RAI14: variants seen among roughly 807,000 people sequenced by gnomAD.
RAI14 encodes retinoic acid induced 14.
RAI14 carries 45 observed loss-of-function variants against 115.4 expected under a neutral mutation model. The observed-to-expected ratio is 0.39, with a 90% confidence interval of 0.31 to 0.50. The LOEUF (loss-of-function observed/expected upper bound fraction) is 0.50, where lower values mean the gene tolerates loss of function less well. Ranked by LOEUF, RAI14 falls within the 20% of genes least tolerant of loss-of-function variation. RAI14 has a pLI of 0.85. For missense variants in RAI14, 939 were observed against 1,131.2 expected, an observed-to-expected ratio of 0.83 and a Z score of 2.44; for synonymous variants, 371 against 415.4, an observed-to-expected ratio of 0.89 and a Z score of 1.30.
intron 1 of RAI14, among the ~76,000 whole-genome samples, chr5:34,671,630 C>A (rs1743627728): frequency 6.6e-6 from 1 of 151,370 alleles, no homozygotes; most frequent in African/African-American, 2.4e-5. Flanking sequence ...ATCTAGTGGC[C>A]ACAATAAAAA....
chr5:34,820,917 C>T (rs1756757259), intron 13 of RAI14, among the ~76,000 whole-genome samples: 1 of 152,128 alleles, frequency 6.6e-6, no homozygotes, highest in Non-Finnish European at 1.5e-5. Context: ...GCTTTAAGGA[C>T]TGGGCAAAGT....
At chr5:34,700,104 G>C (rs1348296024) in intron 2 of RAI14, among the ~76,000 whole-genome samples, 1 of 152,164 alleles carries the variant, frequency 6.6e-6, no homozygotes, top group Non-Finnish European at 1.5e-5. Context: ...GAGACTTCAG[G>C]TAGGTATGTT....
chr5:34,814,512 C>A (rs1755955648), intron 11 of RAI14, 71 bp from the exon 12 acceptor site: 1 of 1,162,238 alleles, frequency 8.6e-7, no homozygotes, highest in African/African-American at 1.5e-5. Flanking sequence ...CAGGTTGATT[C>A]TTCGGCACTG....
At chr5:34,668,310 CTTGAACTCGGGAAGCGGAGG>C (rs1295291049) in intron 1 of RAI14, among the ~76,000 whole-genome samples, 2 of 151,638 alleles carry the variant, frequency 1.3e-5, no homozygotes, top group African/African-American at 4.8e-5. Context: ...ATGAGAATTG[CTTGAACTCGGGAAGCGGAGG>C]TTGCACTGAG....
intron 4 of RAI14, among the ~76,000 whole-genome samples, chr5:34,799,493 GACACAC>G (rs780186006): frequency 0.021 from 2,611 of 124,064 alleles, 72 homozygotes; most frequent in African/African-American, 0.069. Context: ...CACACACACA[GACACAC>G]ACACACACAC....
At chr5:34,732,122 C>T (rs1369423590) in intron 2 of RAI14, among the ~76,000 whole-genome samples, 2 of 152,174 alleles carry the variant, frequency 1.3e-5, no homozygotes. Context: ...TGGGATCAGC[C>T]AGCATTGGGC....
At chr5:34,659,024 C>T (rs1742495111) in intron 1 of RAI14, 1 of 152,092 alleles carries the variant, frequency 6.6e-6, no homozygotes, top group South Asian at 2.1e-4. Context: ...TTAGCGCACA[C>T]AGTTCTCAAG....
intron 2 of RAI14, among the ~76,000 whole-genome samples, chr5:34,726,736 G>A (rs1391331425): frequency 7.8e-6 from 1 of 127,776 alleles, no homozygotes; most frequent in Non-Finnish European, 1.7e-5. Context: ...TTTATAAAGG[G>A]GAGTTCTTCT....
intron 3 of RAI14, among the ~76,000 whole-genome samples, chr5:34,759,661 C>T (rs164318): frequency 0.51 from 76,919 of 151,910 alleles, 20,398 homozygotes; most frequent in African/African-American, 0.67. Flanking sequence ...TTCTACACTA[C>T]AGTGAGTTGT....
At chr5:34,680,119 G>A (rs1384716855) in intron 1 of RAI14, among the ~76,000 whole-genome samples, 13 of 152,248 alleles carry the variant, frequency 8.5e-5, no homozygotes, top group Admixed American at 7.2e-4. Context: ...CTGATAACAC[G>A]GTTCTTGAAT....
chr5:34,791,560 A>G lies in RAI14; in HGVS notation c.168-4379A>G, dbSNP rs926595693. On this transcript the variant is annotated intron_variant, in intron 3 of 17. Transcript: ENST00000265109. This position sits in a 1 kb window ranked among gnomAD's most constrained non-coding sequence, Gnocchi z 5.4. The stretch of plus-strand genomic sequence containing the variant: ...ATTTAATCAAGTAGTATCCACTAGA[A>G]CTTAACATTTCATCCTGTGGATCAT... Among the ~76,000 whole-genome samples, 3 of 152,224 alleles carry G rather than the reference A, an allele frequency of 2.0e-5. No homozygotes were observed. The highest frequency in any genetic ancestry group is 7.2e-5 in the African/African-American group (3 of 41,458).
In RAI14 at chr5:34,817,234, G is replaced by A. The variant is rs1231843684; in HGVS notation, c.940-1563G>A. Among the ~76,000 whole-genome samples, 3 of 133,710 alleles carry A rather than the reference G, an allele frequency of 2.2e-5. No individual in the cohort carries two copies. In the East Asian group the frequency reaches 6.6e-4, roughly 30 times the overall value. The allele number at this position is 133,710 out of a possible 152,430, so 87.7% of individuals were successfully genotyped here. On this transcript the variant is annotated intron_variant, in intron 12 of 17. Coordinates refer to ENST00000265109, the MANE Select transcript of RAI14 (RefSeq NM_015577.3). The stretch of plus-strand genomic sequence containing the variant: ...AGAGGTTGCAGTGAACCAACATTGT[G>A]CCACTGCACTCCAGTCTGGGCGACA...
rs116421260 is a variant in RAI14 at position 34,778,778 on chromosome 5, C to T, written c.168-17161C>T. ...TAAAGAAAGGAAAAAAAAAAACTAT[C>T]TTAATGGTATAAATATATTGGCATA... On this transcript the variant is annotated intron_variant, in intron 3 of 17. Transcript: ENST00000265109. Among the ~76,000 whole-genome samples the T allele has an allele frequency of 7.7e-3, 1,151 of 150,058 alleles. 15 individuals carry two copies. Among genetic ancestry groups the T allele is most frequent in the African/African-American group, 0.027 (1,105 of 40,812 alleles).
At chr5:34,782,585 C>T (rs867969859) in intron 3 of RAI14, among the ~76,000 whole-genome samples, 1 of 151,754 alleles carries the variant, frequency 6.6e-6, no homozygotes. Context: ...GAGTGTCCTT[C>T]TAGATGCTTT....
chr5:34,712,182 T>C (rs922544385), intron 2 of RAI14, among the ~76,000 whole-genome samples: 7 of 152,358 alleles, frequency 4.6e-5, no homozygotes, highest in South Asian at 2.1e-4. Context: ...CTAATCTTTA[T>C]TGATATATCC....
intron 2 of RAI14, among the ~76,000 whole-genome samples, chr5:34,752,743 G>GTATATATATATA (rs1470753966): frequency 6.9e-5 from 7 of 100,906 alleles, no homozygotes; most frequent in African/African-American, 2.1e-4. Flanking sequence ...GTGTGTGTGT[G>GTATATATATATA]TGTGTGTATA....
intron 2 of RAI14, among the ~76,000 whole-genome samples, chr5:34,740,976 A>G (rs1745443952): frequency 2.6e-5 from 4 of 152,214 alleles, no homozygotes; most frequent in Admixed American, 2.6e-4. Flanking sequence ...AACCTCTGAT[A>G]ACATTAGACA....
intron 3 of RAI14, among the ~76,000 whole-genome samples, chr5:34,789,550 C>G (rs1752689665): frequency 6.6e-6 from 1 of 152,184 alleles, no homozygotes; most frequent in Non-Finnish European, 1.5e-5. Context: ...AACTTTGTTC[C>G]CAAGTTTCCA....
chr5:34,816,236 T>C (rs1756206595), intron 12 of RAI14, among the ~76,000 whole-genome samples: 1 of 152,220 alleles, frequency 6.6e-6, no homozygotes, highest in Non-Finnish European at 1.5e-5. Context: ...TTGCAACTTT[T>C]TTATAAATCT....
Sources: gnomAD v4.1 joint callset for allele counts (sites outside exome capture counted in the v4.1 genomes callset) on GRCh38, gnomAD v4.1.1 for gene constraint, Gnocchi (gnomAD v3.1) non-coding constraint, MANE v1.5 for transcripts, NCBI Gene and HGNC (gene_info 2026-07-23, HGNC 2026-07-21) for gene names.